The following MEIS2 variants were observed in gnomAD, a reference collection of about 807,000 sequenced individuals.
The protein encoded by MEIS2 is homeobox protein Meis2.
A neutral mutation model predicts 58.6 loss-of-function variants in MEIS2; 9 were observed. The observed-to-expected ratio is 0.15, with a 90% CI of 0.09 to 0.27. The LOEUF is 0.27. Among genes scored for constraint, MEIS2 ranks in the 10% least tolerant of loss-of-function variants. The pLI is 1.00. For synonymous variants in MEIS2, 221 were observed against 228.4 expected, an observed-to-expected ratio of 0.97 and a Z score of 0.29; for missense variants, 427 against 635.0, an observed-to-expected ratio of 0.67 and a Z score of 3.52.
At chr15:37,057,386 T>C (rs574211373) in intron 7 of MEIS2, among the ~76,000 whole-genome samples, 72 of 152,324 alleles carry the variant, frequency 4.7e-4, no homozygotes, top group African/African-American at 1.6e-3. Context: ...TGTGGAGCTG[T>C]ATTAGCTGAT....
intron 10 of MEIS2, among the ~76,000 whole-genome samples, chr15:36,896,219 A>T (rs2056168471): frequency 6.6e-6 from 1 of 152,232 alleles, no homozygotes; most frequent in Non-Finnish European, 1.5e-5. Context: ...GCCAAAGCAA[A>T]TGAATGGATA....
At chr15:37,096,014 G>A in intron 3 of MEIS2, 1 of 443,174 alleles carries the variant, frequency 2.3e-6, no homozygotes, top group Non-Finnish European at 4.0e-6. Flanking sequence ...AGCTGGAGGC[G>A]GGGGAAAAAG....
chr15:36,946,349 C>T (rs2058562864), intron 9 of MEIS2, among the ~76,000 whole-genome samples: 1 of 151,554 alleles, frequency 6.6e-6, no homozygotes, highest in Admixed American at 6.6e-5. Flanking sequence ...AAACGCCTAA[C>T]CTTCACAGTT....
intron 7 of MEIS2, among the ~76,000 whole-genome samples, chr15:37,075,386 C>A (rs1891267071): frequency 6.6e-6 from 1 of 151,960 alleles, no homozygotes; most frequent in South Asian, 2.1e-4. Flanking sequence ...AGCTGATGGT[C>A]CATTGACATA....
chr15:37,035,361 G>A (rs2062109801), intron 8 of MEIS2, among the ~76,000 whole-genome samples: 1 of 152,172 alleles, frequency 6.6e-6, no homozygotes, highest in Admixed American at 6.5e-5. Context: ...CAAGGTTCAG[G>A]GCTTTGCTGT....
At chr15:36,906,388 GA>G (rs2056738127) in intron 9 of MEIS2, among the ~76,000 whole-genome samples, 1 of 151,916 alleles carries the variant, frequency 6.6e-6, no homozygotes, top group Non-Finnish European at 1.5e-5. Flanking sequence ...TGGTAGAAAT[GA>G]AAAAGAAGTA....
chr15:37,022,260 T>C (rs1299363218), intron 8 of MEIS2, among the ~76,000 whole-genome samples: 1 of 152,176 alleles, frequency 6.6e-6, no homozygotes, highest in Admixed American at 6.5e-5. Flanking sequence ...CCTTCTACCC[T>C]GGACAGTGCC....
intron 7 of MEIS2, among the ~76,000 whole-genome samples, chr15:37,072,127 A>G (rs1050913751): frequency 6.6e-6 from 1 of 152,044 alleles, no homozygotes. Context: ...CTATTAATCT[A>G]TATTCTATAT....
intron 8 of MEIS2, among the ~76,000 whole-genome samples, chr15:36,964,564 A>AT (rs1225663687): frequency 1.3e-5 from 2 of 152,152 alleles, no homozygotes; most frequent in East Asian, 1.9e-4. Flanking sequence ...GAAAATCTGG[A>AT]TTTTTTTCAT....
Position 37,036,895 on chromosome 15 carries a change from G to A in MEIS2, c.819C>T (p.Asp273=). The change falls in exon 8 of 12, where the codon GAC becomes GAT. Residue 273 remains aspartate (D), a synonymous_variant. Coordinates refer to ENST00000561208, the MANE Select transcript of MEIS2 (RefSeq NM_170675.5). ...GTGDDDDPDK[D]KKRQKKRGIF... ...TGCCTCTTTTCTTCTGGCGTTTTTT[G>A]TCCTTATCCGGATCATCATCGTCAC... 6.2e-7 allele frequency: 1 copy of A among 1,613,016 alleles called. No individual in the cohort carries two copies. Among genetic ancestry groups the A allele is most frequent in the South Asian group, 1.1e-5 (1 of 91,016 alleles).
intron 9 of MEIS2, among the ~76,000 whole-genome samples, chr15:36,928,577 CT>C (rs934173635): frequency 1.2e-4 from 18 of 152,278 alleles, no homozygotes; most frequent in African/African-American, 4.3e-4. Context: ...CAAATACTAC[CT>C]GTGTGTGTAT....
At chr15:36,912,630 T>C (rs1270376648) in intron 9 of MEIS2, among the ~76,000 whole-genome samples, 1 of 152,128 alleles carries the variant, frequency 6.6e-6, no homozygotes, top group African/African-American at 2.4e-5. Flanking sequence ...TGGAAAAGTC[T>C]CAGGGGCCTT....
intron 9 of MEIS2, among the ~76,000 whole-genome samples, chr15:36,928,877 C>A (rs1247522559): frequency 6.6e-6 from 1 of 152,014 alleles, no homozygotes; most frequent in Non-Finnish European, 1.5e-5. Flanking sequence ...CACCATTAAC[C>A]CTCATACGCT....
chr15:36,988,383 T>C (rs1052144488), intron 8 of MEIS2, among the ~76,000 whole-genome samples: 6 of 152,222 alleles, frequency 3.9e-5, no homozygotes, highest in African/African-American at 1.4e-4. Flanking sequence ...TATCTATTTC[T>C]TAATTGTATT....
At chr15:36,994,217 A>G (rs2060399143) in intron 8 of MEIS2, among the ~76,000 whole-genome samples, 1 of 152,166 alleles carries the variant, frequency 6.6e-6, no homozygotes, top group Non-Finnish European at 1.5e-5. Context: ...GCTGGTTAAA[A>G]AAAGAAAAGA....
At chr15:37,020,090 T>C (rs941308544) in intron 8 of MEIS2, among the ~76,000 whole-genome samples, 5 of 152,098 alleles carry the variant, frequency 3.3e-5, no homozygotes, top group African/African-American at 1.2e-4. Flanking sequence ...AGGCATTGCT[T>C]TTTGTGCAGC....
intron 9 of MEIS2, among the ~76,000 whole-genome samples, chr15:36,916,430 TAAAA>T (rs58199968): frequency 8.2e-6 from 1 of 121,546 alleles, no homozygotes; most frequent in Non-Finnish European, 1.7e-5. Flanking sequence ...CCATCTCAAT[TAAAA>T]AAAAAAAAAA....
At chr15:36,997,644 T>TC (rs1311718427) in intron 8 of MEIS2, among the ~76,000 whole-genome samples, 1 of 148,000 alleles carries the variant, frequency 6.8e-6, no homozygotes. Flanking sequence ...CACGCCTGGC[T>TC]AATTTTTTTT....
intron 9 of MEIS2, among the ~76,000 whole-genome samples, chr15:36,938,369 T>C (rs1158461234): frequency 2.0e-5 from 3 of 152,144 alleles, no homozygotes; most frequent in Admixed American, 2.0e-4. Context: ...CAAAATCATC[T>C]TCCCAGAGAA....
Sources: allele counts gnomAD v4.1 joint callset (sites outside exome capture counted in the v4.1 genomes callset), GRCh38; gene constraint gnomAD v4.1.1; transcripts MANE v1.5; gene names NCBI Gene and HGNC (gene_info 2026-07-23, HGNC 2026-07-21).